Variants in JARID2 observed in about 807,000 individuals in gnomAD.
JARID2 encodes protein Jumonji.
A neutral mutation model predicts 125.6 loss-of-function variants in JARID2; 21 were observed. The ratio of observed to expected loss-of-function variants is 0.17; its 90% CI spans 0.12 to 0.24. JARID2 has a LOEUF of 0.24. Among genes scored for constraint, JARID2 ranks in the 10% least tolerant of loss-of-function variants. The pLI is 1.00. For synonymous variants in JARID2, 736 were observed against 661.6 expected, an observed-to-expected ratio of 1.11 and a Z score of -1.73; for missense variants, 1,303 against 1,639.6, an observed-to-expected ratio of 0.79 and a Z score of 3.55.
intron 5 of JARID2, among the ~76,000 whole-genome samples, chr6:15,477,989 T>G (rs1769429103): frequency 6.6e-6 from 1 of 152,220 alleles, no homozygotes; most frequent in South Asian, 2.1e-4. Flanking sequence ...TTCAGTGTGG[T>G]AGAAGGTCTT....
chr6:15,436,592 G>A (rs1207301946), intron 3 of JARID2, among the ~76,000 whole-genome samples: 1 of 152,086 alleles, frequency 6.6e-6, no homozygotes, highest in Non-Finnish European at 1.5e-5. Context: ...GGTCTTGGGA[G>A]TAGAGCCCTA....
chr6:15,520,174 A>G lies in JARID2; in HGVS notation c.3664A>G (p.Lys1222Glu), dbSNP rs375627312. 2.0e-5 allele frequency: 32 copies of G among 1,613,944 alleles called. No homozygotes were observed. Among genetic ancestry groups the G allele is most frequent in the Non-Finnish European group, 2.4e-5 (28 of 1,179,990 alleles). The change falls in exon 18 of 18, where the codon AAG becomes GAG. Residue 1222 changes from lysine (K) to glutamate (E), a missense_variant. Coordinates refer to ENST00000341776, the MANE Select transcript of JARID2 (RefSeq NM_004973.4). ...ACCCACACCAAAAAGAGGTCCCCGC[A>G]AGAGAGCGACAGTGGACGTGCCCCC... The part of the protein sequence containing the change: ...SKPTPKRGPR[K>E]RATVDVPPSR...
At chr6:15,316,293 T>TA (rs906411398) in intron 1 of JARID2, among the ~76,000 whole-genome samples, 14 of 152,044 alleles carry the variant, frequency 9.2e-5, no homozygotes, top group Admixed American at 2.6e-4. Flanking sequence ...GACAGGGTTT[T>TA]TGAACTCCTG....
intron 4 of JARID2, among the ~76,000 whole-genome samples, chr6:15,464,452 A>G (rs915017211): frequency 4.6e-5 from 7 of 152,176 alleles, no homozygotes; most frequent in African/African-American, 1.7e-4. Context: ...GGGAGATGCC[A>G]GTTGTTCATG....
In JARID2 at chr6:15,496,202, G is replaced by T. The variant is rs141622693; in HGVS notation, c.977G>T (p.Arg326Leu). 4.3e-6 allele frequency: 7 copies of T among 1,613,906 alleles called. No individual in the cohort carries two copies. Among genetic ancestry groups the T allele is most frequent in the Non-Finnish European group, 5.9e-6 (7 of 1,180,016 alleles). Residue 326 changes from arginine (R) to leucine (L), a missense_variant, in exon 7 of 18, where the codon CGC becomes CTC. Around this residue, in one of 11 missense-constraint regions of JARID2, gnomAD observed 651 missense variants for 581.6 expected, o/e 1.12. Coordinates refer to ENST00000341776, the MANE Select transcript of JARID2 (RefSeq NM_004973.4). ...GGTGTAACCAGTGCCAAAAAGATGC[G>T]CGAGGTCAGACCTTCACCATCCAAA... ...GAGVTSAKKMREVRPSPSKTV... is the reference protein window; with the variant it reads ...GAGVTSAKKMLEVRPSPSKTV...
At chr6:15,500,566 C>G (rs1023926850) in intron 7 of JARID2, among the ~76,000 whole-genome samples, 2 of 152,176 alleles carry the variant, frequency 1.3e-5, no homozygotes, top group African/African-American at 4.8e-5. Context: ...ACACATGTAC[C>G]AGTACATGGT....
At chr6:15,403,394 T>G (rs1765516978) in intron 2 of JARID2, among the ~76,000 whole-genome samples, 2 of 152,182 alleles carry the variant, frequency 1.3e-5, no homozygotes, top group African/African-American at 4.8e-5. Context: ...TTGGTGGTTC[T>G]TACTCATTTG....
chr6:15,302,164 C>T (rs1423364875), intron 1 of JARID2, among the ~76,000 whole-genome samples: 1 of 152,066 alleles, frequency 6.6e-6, no homozygotes, highest in Non-Finnish European at 1.5e-5. Context: ...GCCTGTAATC[C>T]CAGCACTTTG....
intron 1 of JARID2, among the ~76,000 whole-genome samples, chr6:15,359,278 A>G (rs1182295868): frequency 2.0e-5 from 3 of 151,980 alleles, no homozygotes; most frequent in African/African-American, 7.3e-5. Context: ...CGTAGGGTTT[A>G]CTCCTTTGGA....
intron 1 of JARID2, among the ~76,000 whole-genome samples, chr6:15,273,793 C>A (rs868577070): frequency 7.9e-5 from 12 of 152,004 alleles, no homozygotes; most frequent in Non-Finnish European, 1.3e-4. Context: ...TTAGTAGGAC[C>A]CTGGCTTTGA....
chr6:15,328,091 G>C (rs543611729), intron 1 of JARID2, among the ~76,000 whole-genome samples: 1 of 152,084 alleles, frequency 6.6e-6, no homozygotes, highest in African/African-American at 2.4e-5. Flanking sequence ...TGCAATGGAA[G>C]ACTCTCCTCT....
At chr6:15,486,805 A>ATTTTT (rs766075740) in intron 5 of JARID2, among the ~76,000 whole-genome samples, 2 of 40,638 alleles carry the variant, frequency 4.9e-5, no homozygotes, top group East Asian at 1.2e-3. Flanking sequence ...CTGAGAATAG[A>ATTTTT]CTTTTTTTTT....
At chr6:15,469,692 G>A (rs974245577) in intron 5 of JARID2, among the ~76,000 whole-genome samples, 1 of 151,894 alleles carries the variant, frequency 6.6e-6, no homozygotes, top group African/African-American at 2.4e-5. Flanking sequence ...CGATGATGAG[G>A]ACTTCTTAAA....
intron 1 of JARID2, among the ~76,000 whole-genome samples, chr6:15,331,356 C>CA (rs202118241): frequency 0.013 from 1,515 of 112,256 alleles, 12 homozygotes; most frequent in Middle Eastern, 0.032. Context: ...AAAACAAAAA[C>CA]AAAAAAAACA....
At chr6:15,363,791 G>A (rs78823412) in intron 1 of JARID2, among the ~76,000 whole-genome samples, 6,370 of 152,292 alleles carry the variant, frequency 0.042, 180 homozygotes, top group Middle Eastern at 0.078. Flanking sequence ...GAGGGAAAAT[G>A]TGCATCAGAA....
At chr6:15,493,527 G>T (rs1345339501) in intron 6 of JARID2, among the ~76,000 whole-genome samples, 1 of 152,120 alleles carries the variant, frequency 6.6e-6, no homozygotes, top group Non-Finnish European at 1.5e-5. Flanking sequence ...GCTGGGAGTA[G>T]GGCTGAAACA....
At chr6:15,361,431 C>CA (rs1402222120) in intron 1 of JARID2, among the ~76,000 whole-genome samples, 3 of 152,202 alleles carry the variant, frequency 2.0e-5, no homozygotes, top group Admixed American at 1.3e-4. Flanking sequence ...TCTGTCCTTT[C>CA]ACACACATCA....
chr6:15,291,285 C>T (rs1761203302), intron 1 of JARID2, among the ~76,000 whole-genome samples: 1 of 152,166 alleles, frequency 6.6e-6, no homozygotes, highest in Non-Finnish European at 1.5e-5. Flanking sequence ...TGAAAACCAT[C>T]TTGGTGAATG....
intron 1 of JARID2, among the ~76,000 whole-genome samples, chr6:15,345,591 A>T (rs1048419057): frequency 6.6e-6 from 1 of 152,224 alleles, no homozygotes; most frequent in Non-Finnish European, 1.5e-5. Context: ...AAACATATTA[A>T]TTTATTTAAT....
Sources: gnomAD v4.1 joint callset for allele counts (sites outside exome capture counted in the v4.1 genomes callset) on GRCh38, gnomAD v4.1.1 for gene constraint, gnomAD v4.1.1 regional missense constraint, MANE v1.5 for transcripts, NCBI Gene and HGNC (gene_info 2026-07-23, HGNC 2026-07-21) for gene names.